Variants in PTK2 observed in about 807,000 individuals in gnomAD.
PTK2 encodes the protein focal adhesion kinase 1.
A neutral mutation model predicts 150.1 loss-of-function variants in PTK2; 45 were observed. That is an observed-to-expected ratio of 0.30 (90% CI 0.24 to 0.38). PTK2 has a LOEUF of 0.38. PTK2 is among the 10% of genes least tolerant of loss of function. The pLI is 1.00. For synonymous variants in PTK2, 432 were observed against 449.2 expected (o/e 0.96, Z 0.48); for missense variants, 919 against 1,307.3 (o/e 0.70, Z 4.58).
rs1334980965 is a variant in PTK2, at chr8:140,697,136, GGAAA to G, written c.2499+3751_2499+3754del. 2.1e-4 allele frequency among the ~76,000 whole-genome samples: 9 copies of G among 43,334 alleles called. No individual in the cohort carries two copies. In the Admixed American group the frequency reaches 3.0e-3, roughly 15 times the overall value. 28.4% of individuals were successfully genotyped at this position (43,334 alleles called of 152,430 possible). A position where few individuals can be genotyped will look rare whatever the true frequency, so the allele number is the denominator to read the frequency against. On this transcript the variant is annotated intron_variant, in intron 26 of 31. Transcript: ENST00000522684. The stretch of plus-strand genomic sequence containing the variant: ...GTGACAGTGTGAGACCCTGTTTCCG[GGAAA>G]AAAAAAAAAAAAAAAAAAAAAAGGA...
chr8:140,814,356 G>T lies in PTK2; in HGVS notation c.867+3921C>A, dbSNP rs553725485. ...ACCTGGCAGAGACACAACAAAAATA[G>T]AAAATGTCAGGCCAATATTATTGAT... On this transcript the variant is annotated intron_variant, in intron 10 of 31. Coordinates refer to ENST00000522684, the Ensembl canonical transcript of PTK2. Among the ~76,000 whole-genome samples the T allele has an allele frequency of 4.0e-4, 61 of 152,222 alleles. 1 individual carries two copies. In the South Asian group the frequency reaches 0.011, roughly 27 times the overall value.
intron 4 of PTK2, among the ~76,000 whole-genome samples, chr8:140,876,508 T>C (rs1797108499): frequency 1.4e-5 from 2 of 142,206 alleles, no homozygotes; most frequent in South Asian, 2.5e-4. Flanking sequence ...TGCCAATGCA[T>C]CAGTTTAGTT....
intron 31 of PTK2, among the ~76,000 whole-genome samples, chr8:140,663,413 C>T (rs116708120): frequency 6.2e-4 from 95 of 152,318 alleles, no homozygotes; most frequent in African/African-American, 2.2e-3. Context: ...GCCCATGCTT[C>T]CCTAGAAATG....
chr8:140,758,297 C>T (rs1049385987), intron 16 of PTK2, among the ~76,000 whole-genome samples: 1 of 152,140 alleles, frequency 6.6e-6, no homozygotes, highest in Non-Finnish European at 1.5e-5. Context: ...CTAAGTTGCC[C>T]AGGCTGGTAT....
At chr8:140,990,232 A>ATTTTTTTTTTTTTT (rs11312570) in intron 1 of PTK2, among the ~76,000 whole-genome samples, 1 of 146,808 alleles carries the variant, frequency 6.8e-6, no homozygotes, top group African/African-American at 2.5e-5. Flanking sequence ...TCCTTGACCA[A>ATTTTTTTTTTTTTT]TTTTTTTTTT....
intron 1 of PTK2, among the ~76,000 whole-genome samples, chr8:140,970,942 T>C (rs1483937919): frequency 2.0e-5 from 3 of 151,342 alleles, no homozygotes. Context: ...AGCTTTTCAA[T>C]AAGAACAGTT....
intron 21 of PTK2, among the ~76,000 whole-genome samples, chr8:140,737,959 C>T (rs1000415533): frequency 2.6e-5 from 4 of 152,062 alleles, no homozygotes; most frequent in Non-Finnish European, 5.9e-5. Flanking sequence ...TTTCCTTTAC[C>T]TAGTTATCTA....
At chr8:140,839,317 A>G (rs2100120866) in intron 7 of PTK2, among the ~76,000 whole-genome samples, 1 of 152,198 alleles carries the variant, frequency 6.6e-6, no homozygotes, top group Non-Finnish European at 1.5e-5. Flanking sequence ...GTGTAAACAA[A>G]GCCCCCTGGA....
intron 17 of PTK2, among the ~76,000 whole-genome samples, chr8:140,748,358 T>C (rs1340120608): frequency 1.3e-5 from 2 of 151,972 alleles, no homozygotes; most frequent in African/African-American, 4.8e-5. Flanking sequence ...CTGGGCGTGG[T>C]GGTGTGTGCC....
intron 5 of PTK2, among the ~76,000 whole-genome samples, chr8:140,851,646 C>G (rs770484713): frequency 7.9e-5 from 12 of 152,188 alleles, no homozygotes; most frequent in Non-Finnish European, 1.6e-4. Flanking sequence ...ATCGCTTGAG[C>G]TCAGGAGTTC....
rs567398318 is a variant in PTK2 at position 140,745,534 on chromosome 8, T to A, written c.1519-767A>T. Among the ~76,000 whole-genome samples the A allele has an allele frequency of 8.5e-5, 13 of 152,272 alleles. No homozygotes were observed. The South Asian group carries it at 2.7e-3, about 32-fold the overall frequency. On this transcript the variant is annotated intron_variant, in intron 18 of 31. Coordinates refer to ENST00000522684, the Ensembl canonical transcript of PTK2. ...TTTGATTTGGTGGAGGAGGAAGAGA[T>A]GTTCAGCTGATGAAATCACACAATG...
At chr8:140,982,695 CCTAT>C (rs1372498343) in intron 1 of PTK2, among the ~76,000 whole-genome samples, 1 of 152,196 alleles carries the variant, frequency 6.6e-6, no homozygotes, top group Admixed American at 6.5e-5. Context: ...CAATTCCTTC[CCTAT>C]CTTTTTTAAA....
intron 22 of PTK2, among the ~76,000 whole-genome samples, chr8:140,725,135 A>AT (rs956379262): frequency 1.3e-5 from 2 of 151,892 alleles, no homozygotes; most frequent in Admixed American, 6.6e-5. Flanking sequence ...CTGTACCTTT[A>AT]TTTTTTTCTA....
chr8:140,931,102 G>GA (rs2100171575), intron 1 of PTK2, among the ~76,000 whole-genome samples: 1 of 149,916 alleles, frequency 6.7e-6, no homozygotes, highest in Non-Finnish European at 1.5e-5. Context: ...AAGAAAAAGA[G>GA]AAAATTATTA....
chr8:140,747,263 G>C (rs2100059548), intron 17 of PTK2: 1 of 176,504 alleles, frequency 5.7e-6, no homozygotes, highest in Non-Finnish European at 1.2e-5. Context: ...GGCAATAGGG[G>C]AACTTTAAAA....
At chr8:140,767,260 C>CTA (rs577135567) in intron 14 of PTK2, among the ~76,000 whole-genome samples, 8 of 147,312 alleles carry the variant, frequency 5.4e-5, no homozygotes, top group Non-Finnish European at 1.1e-4. Flanking sequence ...AAATTTCTTT[C>CTA]TTTTTTTTTT....
rs553598947 is a variant in PTK2, at chr8:140,720,899, G to C, written c.2031-3190C>G. ...CTCCCAAGTAGCTGGGACCACAGGT[G>C]CATGTGCCACCATGCCTGGCTAATT... On this transcript the variant is annotated intron_variant, in intron 22 of 31. Coordinates refer to ENST00000522684, the Ensembl canonical transcript of PTK2. 4.6e-5 allele frequency among the ~76,000 whole-genome samples: 7 copies of C among 152,180 alleles called. No individual in the cohort carries two copies. In the South Asian group the frequency reaches 1.5e-3, roughly 32 times the overall value.
chr8:140,873,910 T>G (rs547550835), intron 4 of PTK2, among the ~76,000 whole-genome samples: 1 of 152,338 alleles, frequency 6.6e-6, no homozygotes, highest in East Asian at 1.9e-4. Flanking sequence ...ACAGTAGAAT[T>G]TGCCAGCCTT....
intron 5 of PTK2, 99 bp from the exon 6 acceptor site, chr8:140,846,777 A>G: frequency 1.3e-6 from 1 of 783,726 alleles, no homozygotes; most frequent in East Asian, 2.7e-5. Context: ...CATATAGTTT[A>G]CATTATGTCG....
Sources: gnomAD v4.1 joint callset for allele counts (sites outside exome capture counted in the v4.1 genomes callset) on GRCh38, gnomAD v4.1.1 for gene constraint, MANE v1.5 for transcripts, NCBI Gene and HGNC (gene_info 2026-07-23, HGNC 2026-07-21) for gene names.